SDHAF1: variants seen among roughly 807,000 people sequenced by gnomAD.
SDHAF1 encodes the protein succinate dehydrogenase assembly factor 1, mitochondrial.
For missense variants in SDHAF1, 198 were observed against 179.0 expected, an observed-to-expected ratio of 1.11 and a Z score of -0.61; for synonymous variants, 81 against 85.8, an observed-to-expected ratio of 0.94 and a Z score of 0.31.
chr19:35,995,206 C>G lies in SDHAF1; in HGVS notation c.-69C>G. 2 of 1,191,232 alleles carry G rather than the reference C, an allele frequency of 1.7e-6. No individual in the cohort carries two copies. The highest frequency in any genetic ancestry group is 2.4e-6 in the Non-Finnish European group (2 of 844,186). The allele number at this position is 1,191,232 out of a possible 1,614,324, so 73.8% of individuals were successfully genotyped here. A position where few individuals can be genotyped will look rare whatever the true frequency, so the allele number is the denominator to read the frequency against. ...AGTGGCTGTGGCTTTGCCCTTTGGC[C>G]TTTGCTGGCTGTGTGGCGGCTCCGC... On this transcript the variant is annotated 5_prime_UTR_variant, in exon 1 of 1. Coordinates refer to ENST00000378887, the MANE Select transcript of SDHAF1 (RefSeq NM_001042631.3).
In SDHAF1 at chr19:35,995,206, C is replaced by T. The variant is rs1280415443; in HGVS notation, c.-69C>T. The stretch of plus-strand genomic sequence containing the variant: ...AGTGGCTGTGGCTTTGCCCTTTGGC[C>T]TTTGCTGGCTGTGTGGCGGCTCCGC... On this transcript the variant is annotated 5_prime_UTR_variant, in exon 1 of 1. Coordinates refer to ENST00000378887, the MANE Select transcript of SDHAF1 (RefSeq NM_001042631.3). 4 of 1,191,114 alleles carry T rather than the reference C, an allele frequency of 3.4e-6. No homozygotes were observed. Among genetic ancestry groups the T allele is most frequent in the Middle Eastern group, 2.7e-4 (1 of 3,760 alleles). The allele number at this position is 1,191,114 out of a possible 1,614,324, so 73.8% of individuals were successfully genotyped here.
chr19:35,995,915 C>G lies in SDHAF1; in HGVS notation c.*293C>G. ...CTGGACAGTGTCAAGCCAAGAGCTACTTGCCCGAAGGTACGGGGAGCCAGG... is the reference window on the plus strand; with the variant it reads ...CTGGACAGTGTCAAGCCAAGAGCTAGTTGCCCGAAGGTACGGGGAGCCAGG... On this transcript the variant is annotated 3_prime_UTR_variant, in exon 1 of 1. Coordinates refer to ENST00000378887, the MANE Select transcript of SDHAF1 (RefSeq NM_001042631.3). 2.1e-6 allele frequency: 1 copy of G among 471,260 alleles called. No individual in the cohort carries two copies. The highest frequency in any genetic ancestry group is 3.9e-6 in the Non-Finnish European group (1 of 256,630). The allele number at this position is 471,260 out of a possible 1,614,324, so 29.2% of individuals were successfully genotyped here.
chr19:35,995,836 C>G lies in SDHAF1; in HGVS notation c.*214C>G. The G allele has an allele frequency of 1.7e-6, 1 of 578,410 alleles. No homozygotes were observed. Among genetic ancestry groups the G allele is most frequent in the Non-Finnish European group, 3.1e-6 (1 of 321,348 alleles). The allele number at this position is 578,410 out of a possible 1,614,324, so 35.8% of individuals were successfully genotyped here. A position where few individuals can be genotyped will look rare whatever the true frequency, so the allele number is the denominator to read the frequency against. The stretch of plus-strand genomic sequence containing the variant: ...GCCCGCCTTTTCCGATGCTTGGAGA[C>G]AGGTCGGTGCTCCTCCCCCATGAGG... On this transcript the variant is annotated 3_prime_UTR_variant, in exon 1 of 1. Coordinates refer to ENST00000378887, the MANE Select transcript of SDHAF1 (RefSeq NM_001042631.3).
At position 35,995,639 on chromosome 19, in the gene SDHAF1, CT is replaced by C. The variant is rs755522535; in HGVS notation, c.*18del. On this transcript the variant is annotated 3_prime_UTR_variant, in exon 1 of 1. Transcript: ENST00000378887. ...GGACGGTGACAGGCGAAGAGCCGAA[CT>C]CGCTCGATGGCGTGGTGGAGCCAGG... 1 of 1,534,862 alleles carries C rather than the reference CT, an allele frequency of 6.5e-7. No individual in the cohort carries two copies. The highest frequency in any genetic ancestry group is 8.8e-7 in the Non-Finnish European group (1 of 1,133,368).
In SDHAF1 at chr19:35,996,093, G is replaced by A. The variant is rs1276141797; in HGVS notation, c.*471G>A. The A allele has an allele frequency of 5.8e-6, 1 of 173,594 alleles. No homozygotes were observed. Among genetic ancestry groups the A allele is most frequent in the African/African-American group, 2.4e-5 (1 of 41,524 alleles). The allele number at this position is 173,594 out of a possible 1,614,324, so 10.8% of individuals were successfully genotyped here. A position where few individuals can be genotyped will look rare whatever the true frequency, so the allele number is the denominator to read the frequency against. On this transcript the variant is annotated 3_prime_UTR_variant, in exon 1 of 1. Transcript: ENST00000378887. Reference sequence around the variant, plus strand: ...TGAGAACGTTTTGGGAAGGTGCCCTGATGAGCGGTGAGAAGCCCGGAATCC... The same window carrying A: ...TGAGAACGTTTTGGGAAGGTGCCCTAATGAGCGGTGAGAAGCCCGGAATCC...
In SDHAF1 at chr19:35,996,013, C is replaced by T. The variant is rs930173793; in HGVS notation, c.*391C>T. ...CCTGAGAACATACCCACTTCTGGCTCCTCAAGGAGTCTCCCCTCTCCTGTA... is the reference window on the plus strand; with the variant it reads ...CCTGAGAACATACCCACTTCTGGCTTCTCAAGGAGTCTCCCCTCTCCTGTA... On this transcript the variant is annotated 3_prime_UTR_variant, in exon 1 of 1. Transcript: ENST00000378887. The T allele has an allele frequency of 1.2e-4, 28 of 240,914 alleles. No individual in the cohort carries two copies. The highest frequency in any genetic ancestry group is 1.0e-3 in the Admixed American group (18 of 17,800). The allele number at this position is 240,914 out of a possible 1,614,324, so 14.9% of individuals were successfully genotyped here.
At position 35,995,627 on chromosome 19, in the gene SDHAF1, C is replaced by A. The variant is rs1234271175; in HGVS notation, c.*5C>A. 1 of 1,544,516 alleles carries A rather than the reference C, an allele frequency of 6.5e-7. No individual in the cohort carries two copies. Among genetic ancestry groups the A allele is most frequent in the South Asian group, 1.2e-5 (1 of 83,916 alleles). ...ACCCGCCCCGACGGACGGTGACAGG[C>A]GAAGAGCCGAACTCGCTCGATGGCG... On this transcript the variant is annotated 3_prime_UTR_variant, in exon 1 of 1. Transcript: ENST00000378887.
rs1042459784 is a variant in SDHAF1, at chr19:35,995,351, C to T, written c.77C>T (p.Pro26Leu). 1 of 1,550,292 alleles carries T rather than the reference C, an allele frequency of 6.5e-7. No individual in the cohort carries two copies. Among genetic ancestry groups the T allele is most frequent in the Non-Finnish European group, 8.7e-7 (1 of 1,155,326 alleles). ...CTGCTGCGCGCCGGGCGTGGGAAGC[C>T]GGGCGCCGAGGCGCGAGTGCGGGCA... Reference protein sequence around the residue: ...RDLLRAGRGKPGAEARVRAEF... With the variant: ...RDLLRAGRGKLGAEARVRAEF... Residue 26 changes from proline (P) to leucine (L), a missense_variant, in exon 1 of 1, where the codon CCG becomes CTG. Transcript: ENST00000378887.
At position 35,995,814 on chromosome 19, in the gene SDHAF1, C is replaced by A; in HGVS notation, c.*192C>A. Reference sequence around the variant, plus strand: ...CCCGTGATGGACGGCAAGGGAGGCCCGCCTTTTCCGATGCTTGGAGACAGG... The same window carrying A: ...CCCGTGATGGACGGCAAGGGAGGCCAGCCTTTTCCGATGCTTGGAGACAGG... On this transcript the variant is annotated 3_prime_UTR_variant, in exon 1 of 1. Coordinates refer to ENST00000378887, the MANE Select transcript of SDHAF1 (RefSeq NM_001042631.3). The A allele has an allele frequency of 1.7e-6, 1 of 587,182 alleles. No homozygotes were observed. The allele number at this position is 587,182 out of a possible 1,614,324, so 36.4% of individuals were successfully genotyped here. A position where few individuals can be genotyped will look rare whatever the true frequency, so the allele number is the denominator to read the frequency against.
In SDHAF1 at chr19:35,995,198, C is replaced by T; in HGVS notation, c.-77C>T. 4 of 1,069,664 alleles carry T rather than the reference C, an allele frequency of 3.7e-6. No homozygotes were observed. Among genetic ancestry groups the T allele is most frequent in the South Asian group, 1.4e-5 (1 of 71,602 alleles). 66.3% of individuals were successfully genotyped at this position (1,069,664 alleles called of 1,614,324 possible). A position where few individuals can be genotyped will look rare whatever the true frequency, so the allele number is the denominator to read the frequency against. ...TGGGCGGAAGTGGCTGTGGCTTTGC[C>T]CTTTGGCCTTTGCTGGCTGTGTGGC... On this transcript the variant is annotated 5_prime_UTR_variant, in exon 1 of 1. Transcript: ENST00000378887.
In SDHAF1 at chr19:35,995,467, C is replaced by T. The variant is rs1304787971; in HGVS notation, c.193C>T (p.Arg65Cys). 4 of 1,560,466 alleles carry T rather than the reference C, an allele frequency of 2.6e-6. No homozygotes were observed. Among genetic ancestry groups the T allele is most frequent in the Non-Finnish European group, 3.4e-6 (4 of 1,160,628 alleles). The change falls in exon 1 of 1, where the codon CGC (arginine) becomes TGC (cysteine). Residue 65 changes from arginine (R) to cysteine (C), a missense_variant. Physicochemically the swap from Arg to Cys is radical, Grantham distance 180. Coordinates refer to ENST00000378887, the MANE Select transcript of SDHAF1 (RefSeq NM_001042631.3). ...CGGGCGGCGCCAGCTGCAGCTGCTA[C>T]GCTCGGGCCACGCCACCGCCATGGG... ...RRGRRQLQLL[R>C]SGHATAMGAF...
Position 35,995,390 on chromosome 19 carries a change from A to C in SDHAF1, c.116A>C (p.His39Pro), listed in dbSNP as rs1267243470. 3 of 1,561,124 alleles carry C rather than the reference A, an allele frequency of 1.9e-6. No homozygotes were observed. The Admixed American group carries it at 5.5e-5, about 28-fold the overall frequency. ...EARVRAEFRQ[H>P]AGLPRSDVLR... ...CGAGTGCGGGCAGAGTTCCGGCAGC[A>C]TGCGGGCCTGCCGCGGTCCGACGTG... is the stretch of plus-strand genomic sequence containing the variant. The change falls in exon 1 of 1, where the codon CAT becomes CCT. Residue 39 changes from histidine (H) to proline (P), a missense_variant. Coordinates refer to ENST00000378887, the MANE Select transcript of SDHAF1 (RefSeq NM_001042631.3).
chr19:35,995,355 C>T lies in SDHAF1; in HGVS notation c.81C>T (p.Gly27=). 2 of 1,549,902 alleles carry T rather than the reference C, an allele frequency of 1.3e-6. No individual in the cohort carries two copies. The highest frequency in any genetic ancestry group is 8.7e-7 in the Non-Finnish European group (1 of 1,155,166). The change falls in exon 1 of 1, where the codon GGC becomes GGT. Residue 27 remains glycine, a synonymous_variant. Coordinates refer to ENST00000378887, the MANE Select transcript of SDHAF1 (RefSeq NM_001042631.3). ...TGCGCGCCGGGCGTGGGAAGCCGGG[C>T]GCCGAGGCGCGAGTGCGGGCAGAGT... ...DLLRAGRGKP[G]AEARVRAEFR...
At position 35,995,291 on chromosome 19, in the gene SDHAF1, G is replaced by C. The variant is rs1478223520; in HGVS notation, c.17G>C (p.Arg6Pro). 17 of 1,542,228 alleles carry C rather than the reference G, an allele frequency of 1.1e-5. No homozygotes were observed. The highest frequency in any genetic ancestry group is 1.4e-5 in the African/African-American group (1 of 73,472). ...GCCGCGGTCATGAGCCGGCACAGCC[G>C]GCTGCAGAGGCAGGTTCTGAGCCTG... MSRHSRLQRQVLSLYR... is the reference protein window; with the variant it reads MSRHSPLQRQVLSLYR... Residue 6 changes from arginine (R) to proline (P), a missense_variant, in exon 1 of 1, where the codon CGG (arginine) becomes CCG (proline). By Grantham distance (103) the Arg-to-Pro change is moderately radical. Transcript: ENST00000378887.
chr19:35,995,460 G>T lies in SDHAF1; in HGVS notation c.186G>T (p.Gln62His). 6.4e-7 allele frequency: 1 copy of T among 1,563,330 alleles called. No homozygotes were observed. The highest frequency in any genetic ancestry group is 2.3e-5 in the East Asian group (1 of 42,612). Reference sequence around the variant, plus strand: ...ACCGCCGCGGGCGGCGCCAGCTGCAGCTGCTACGCTCGGGCCACGCCACCG... The same window carrying T: ...ACCGCCGCGGGCGGCGCCAGCTGCATCTGCTACGCTCGGGCCACGCCACCG... ...YLYRRGRRQLQLLRSGHATAM... is the reference protein window; with the variant it reads ...YLYRRGRRQLHLLRSGHATAM... The change falls in exon 1 of 1, where the codon CAG (glutamine) becomes CAT (histidine). Residue 62 changes from glutamine to histidine, a missense_variant. Transcript: ENST00000378887.
At position 35,995,694 on chromosome 19, in the gene SDHAF1, G is replaced by T; in HGVS notation, c.*72G>T. The stretch of plus-strand genomic sequence containing the variant: ...CTCGCCTGACTGCATGGGGGGACTG[G>T]GGAACCCGCCTAAGGTGAGAGGTCT... On this transcript the variant is annotated 3_prime_UTR_variant, in exon 1 of 1. Coordinates refer to ENST00000378887, the MANE Select transcript of SDHAF1 (RefSeq NM_001042631.3). 3.3e-6 allele frequency: 4 copies of T among 1,213,118 alleles called. No homozygotes were observed. Among genetic ancestry groups the T allele is most frequent in the Non-Finnish European group, 4.8e-6 (4 of 841,178 alleles). The allele number at this position is 1,213,118 out of a possible 1,614,324, so 75.1% of individuals were successfully genotyped here.
rs1488183201 is a variant in SDHAF1, at chr19:35,995,338, G to A, written c.64G>A (p.Gly22Arg). 1.9e-6 allele frequency: 3 copies of A among 1,549,872 alleles called. No homozygotes were observed. Among genetic ancestry groups the A allele is most frequent in the Non-Finnish European group, 2.6e-6 (3 of 1,154,882 alleles). Residue 22 changes from glycine to arginine, a missense_variant, in exon 1 of 1, where the codon GGG (glycine) becomes AGG (arginine). Physicochemically the swap from Gly to Arg is moderately radical, Grantham distance 125 (BLOSUM62 -2). Coordinates refer to ENST00000378887, the MANE Select transcript of SDHAF1 (RefSeq NM_001042631.3). Reference protein sequence around the residue: ...LSLYRDLLRAGRGKPGAEARV... With the variant: ...LSLYRDLLRARRGKPGAEARV... ...CCTGTACCGCGATCTGCTGCGCGCC[G>A]GGCGTGGGAAGCCGGGCGCCGAGGC...
chr19:35,996,002 CA>C lies in SDHAF1; in HGVS notation c.*381del. ...TTCTCTTGACCCCTGAGAACATACC[CA>C]CTTCTGGCTCCTCAAGGAGTCTCCC... On this transcript the variant is annotated 3_prime_UTR_variant, in exon 1 of 1. Coordinates refer to ENST00000378887, the MANE Select transcript of SDHAF1 (RefSeq NM_001042631.3). 3 of 258,942 alleles carry C rather than the reference CA, an allele frequency of 1.2e-5. No homozygotes were observed. Among genetic ancestry groups the C allele is most frequent in the Non-Finnish European group, 2.4e-5 (3 of 125,406 alleles). 16.0% of individuals were successfully genotyped at this position (258,942 alleles called of 1,614,324 possible). A position where few individuals can be genotyped will look rare whatever the true frequency, so the allele number is the denominator to read the frequency against.
chr19:35,995,859 A>G lies in SDHAF1; in HGVS notation c.*237A>G. The stretch of plus-strand genomic sequence containing the variant: ...GACAGGTCGGTGCTCCTCCCCCATG[A>G]GGGCTTGGGGCGGCCTGGGACGCTG... On this transcript the variant is annotated 3_prime_UTR_variant, in exon 1 of 1. Transcript: ENST00000378887. The G allele has an allele frequency of 1.8e-6, 1 of 564,932 alleles. No individual in the cohort carries two copies. Among genetic ancestry groups the G allele is most frequent in the Non-Finnish European group, 3.2e-6 (1 of 313,004 alleles). 35.0% of individuals were successfully genotyped at this position (564,932 alleles called of 1,614,324 possible).
Sources: gnomAD v4.1 joint callset for allele counts on GRCh38, gnomAD v4.1.1 for gene constraint, MANE v1.5 for transcripts, NCBI Gene and HGNC (gene_info 2026-07-23, HGNC 2026-07-21) for gene names.